Variants in EWSR1 observed in about 807,000 individuals in gnomAD.
The protein encoded by EWSR1 is RNA-binding protein EWS.
EWSR1 carries 14 observed loss-of-function variants against 92.1 expected under a neutral mutation model. The ratio of observed to expected loss-of-function variants is 0.15; its 90% CI spans 0.10 to 0.24. EWSR1 has a LOEUF of 0.24. EWSR1 is among the 10% of genes least tolerant of loss of function. The pLI, the probability that EWSR1 is intolerant of heterozygous loss-of-function variation, is 1.00. For missense variants in EWSR1, 637 were observed against 870.9 expected (o/e 0.73, Z 3.38); for synonymous variants, 303 against 292.9 (o/e 1.03, Z -0.35).
chr22:29,276,310 C>T (rs1025772062), intron 4 of EWSR1: 16 of 229,242 alleles, frequency 7.0e-5, no homozygotes, highest in Admixed American at 5.7e-5. Flanking sequence ...AACAACATGC[C>T]AACTCAAAAA....
At chr22:29,269,992 TCA>T (rs528310813) in intron 1 of EWSR1, among the ~76,000 whole-genome samples, 6 of 152,112 alleles carry the variant, frequency 3.9e-5, no homozygotes, top group Admixed American at 3.9e-4. Flanking sequence ...CTTCAGAGAG[TCA>T]CATAAGTAAT....
chr22:29,299,082 T>A, intron 14 of EWSR1, 152 bp from the exon 15 acceptor site: 1 of 1,475,626 alleles, frequency 6.8e-7, no homozygotes, highest in Non-Finnish European at 9.3e-7. Flanking sequence ...TGACCTGTCC[T>A]GTGGGTGCAA....
chr22:29,288,109 G>C lies in EWSR1; in HGVS notation c.794-497G>C, dbSNP rs181148050. Reference sequence around the variant, plus strand: ...TTGCAGTTCTTCTGTATGGAGAGAGGTAACCAAAACACATAATTATCTTCA... The same window carrying C: ...TTGCAGTTCTTCTGTATGGAGAGAGCTAACCAAAACACATAATTATCTTCA... On this transcript the variant is annotated intron_variant, in intron 7 of 16. Transcript: ENST00000397938. Among the ~76,000 whole-genome samples, 800 of 152,314 alleles carry C rather than the reference G, an allele frequency of 5.3e-3. 3 individuals carry two copies. The highest frequency in any genetic ancestry group is 0.018 in the South Asian group (85 of 4,828).
chr22:29,272,886 C>T (rs1415591893), intron 3 of EWSR1, among the ~76,000 whole-genome samples: 1 of 152,176 alleles, frequency 6.6e-6, no homozygotes, highest in East Asian at 1.9e-4. Context: ...GAGCTCTTTC[C>T]AGTGAAGAGT....
rs71196650 is a variant in EWSR1 at position 29,280,862 on chromosome 22, GTTTTTTTTT to G, written c.414-1499_414-1491del. ...CTAATTTTGTGTGTGTGTGTGTGTT[GTTTTTTTTT>G]TTTTTTTTTTTTTTTTTTTTTTTTT... On this transcript the variant is annotated intron_variant, in intron 5 of 16. Transcript: ENST00000397938. Among the ~76,000 whole-genome samples the G allele has an allele frequency of 9.5e-5, 6 of 62,904 alleles. 1 individual carries two copies. In the South Asian group the frequency reaches 1.7e-3, roughly 17 times the overall value. The allele number at this position is 62,904 out of a possible 152,430, so 41.3% of individuals were successfully genotyped here. A position where few individuals can be genotyped will look rare whatever the true frequency, so the allele number is the denominator to read the frequency against.
intron 1 of EWSR1, among the ~76,000 whole-genome samples, chr22:29,271,088 T>A (rs2146715522): frequency 6.6e-6 from 1 of 152,314 alleles, no homozygotes; most frequent in African/African-American, 2.4e-5. Context: ...TTGGATTCCA[T>A]GAAGTGGATG....
chr22:29,281,157 G>T (rs1406835123), intron 5 of EWSR1, among the ~76,000 whole-genome samples: 1 of 151,086 alleles, frequency 6.6e-6, no homozygotes, highest in East Asian at 2.0e-4. Flanking sequence ...GGGATTATAG[G>T]TGTGAACCAC....
At chr22:29,298,996 ATGATGACCCTGATGGCTGGT>A in intron 14 of EWSR1, 101 bp downstream of exon 14, 1 of 1,388,518 alleles carries the variant, frequency 7.2e-7, no homozygotes, top group East Asian at 2.3e-5. Context: ...GAGGAACAGA[ATGATGACCCTGATGGCTGGT>A]TAGGGACACT....
intron 4 of EWSR1, chr22:29,276,315 CAA>C (rs1249768409): frequency 4.4e-6 from 1 of 229,250 alleles, no homozygotes; most frequent in Non-Finnish European, 8.6e-6. Flanking sequence ...CATGCCAACT[CAA>C]AAACTTTTAT....
chr22:29,300,294 TTTTCACCATTTGTGAAGAAAC>T lies in EWSR1; in HGVS notation c.*134_*154del. The stretch of plus-strand genomic sequence containing the variant: ...TTATTCCTTGTCTGTACTTTAGTAT[TTTTCACCATTTGTGAAGAAAC>T]ATTAAAACAAGTTAAATGGTAGTGT... On this transcript the variant is annotated 3_prime_UTR_variant, in exon 17 of 17. Coordinates refer to ENST00000397938, the MANE Select transcript of EWSR1 (RefSeq NM_005243.4). The T allele has an allele frequency of 1.2e-6, 1 of 864,708 alleles. No individual in the cohort carries two copies. Among genetic ancestry groups the T allele is most frequent in the African/African-American group, 1.7e-5 (1 of 57,282 alleles). The allele number at this position is 864,708 out of a possible 1,614,324, so 53.6% of individuals were successfully genotyped here.
intron 13 of EWSR1, 117 bp downstream of exon 13, chr22:29,298,066 C>A: frequency 9.0e-7 from 1 of 1,116,658 alleles, no homozygotes; most frequent in South Asian, 1.7e-5. Context: ...CAATACTAGA[C>A]TATCGAGAGC....
At chr22:29,299,048 T>G in intron 14 of EWSR1, 153 bp downstream of exon 14, 1 of 1,359,240 alleles carries the variant, frequency 7.4e-7, no homozygotes, top group Non-Finnish European at 1.0e-6. Flanking sequence ...CACTGGACGC[T>G]TCAGAGCCTT....
Position 29,297,845 on chromosome 22 carries a change from G to A in EWSR1, c.1313G>A (p.Ser438Asn). 1 of 1,614,048 alleles carries A rather than the reference G, an allele frequency of 6.2e-7. No homozygotes were observed. Among genetic ancestry groups the A allele is most frequent in the Non-Finnish European group, 8.5e-7 (1 of 1,179,996 alleles). Residue 438 changes from serine (S) to asparagine (N), a missense_variant, in exon 13 of 17, where the codon AGC becomes AAC. By Grantham distance (46) the Ser-to-Asn change is conservative. Coordinates refer to ENST00000397938, the MANE Select transcript of EWSR1 (RefSeq NM_005243.4). ...GTTCCAGGGAAAGATTTTCAAGGGA[G>A]CAAACTTAAAGTCTCCCTTGCTCGG... ...EWFDGKDFQGSKLKVSLARKK... is the reference protein window; with the variant it reads ...EWFDGKDFQGNKLKVSLARKK...
At chr22:29,269,589 A>G (rs986896751) in intron 1 of EWSR1, 1 of 152,276 alleles carries the variant, frequency 6.6e-6, no homozygotes, top group African/African-American at 2.4e-5. Flanking sequence ...TGGGCACTCC[A>G]GAGTTTTTGG....
chr22:29,294,654 G>T (rs1013187127), intron 11 of EWSR1, among the ~76,000 whole-genome samples: 2 of 150,330 alleles, frequency 1.3e-5, no homozygotes, highest in Non-Finnish European at 3.0e-5. Flanking sequence ...GGTGGCTCAT[G>T]CCTGTAATCC....
In EWSR1 at chr22:29,298,890, C is replaced by G. The variant is rs776510331; in HGVS notation, c.1575C>G (p.Pro525=). The G allele has an allele frequency of 1.3e-6, 2 of 1,547,546 alleles. No individual in the cohort carries two copies. The highest frequency in any genetic ancestry group is 4.5e-5 in the East Asian group (2 of 44,514). Residue 525 remains proline (P), a synonymous_variant, in exon 14 of 17, where the codon CCC becomes CCG. Transcript: ENST00000397938. The part of the protein sequence containing the change: ...VQHRAGDWQC[P]NPGCGNQNFA... ...ACCGAGCTGGAGACTGGCAGTGTCC[C>G]AATCCGTATGTACTTGTCTTGGCAA...
chr22:29,290,238 TC>T, intron 8 of EWSR1: 1 of 561,978 alleles, frequency 1.8e-6, no homozygotes, highest in African/African-American at 1.9e-5. Flanking sequence ...GACGGGCATT[TC>T]CCTCGTTGCC....
intron 12 of EWSR1, among the ~76,000 whole-genome samples, chr22:29,297,077 G>C (rs2060920156): frequency 6.6e-6 from 1 of 152,136 alleles, no homozygotes; most frequent in Admixed American, 6.5e-5. Context: ...ACAAGTCCTG[G>C]TTCTGTTTTC....
At chr22:29,294,499 G>A (rs562057565) in intron 11 of EWSR1, among the ~76,000 whole-genome samples, 5 of 151,790 alleles carry the variant, frequency 3.3e-5, no homozygotes, top group African/African-American at 7.2e-5. Flanking sequence ...CCAGCTACTC[G>A]GAGGCTGAGG....
Sources: gnomAD v4.1 joint callset for allele counts (sites outside exome capture counted in the v4.1 genomes callset) on GRCh38, gnomAD v4.1.1 for gene constraint, MANE v1.5 for transcripts, NCBI Gene and HGNC (gene_info 2026-07-23, HGNC 2026-07-21) for gene names.